Variants in ZNF578 observed in about 807,000 individuals in gnomAD.
The protein encoded by ZNF578 is zinc finger protein 578, also known as Putative chemokine-related protein B42.
Under a neutral mutation model 8.3 loss-of-function variants are expected in ZNF578, and 8 were observed. The ratio of observed to expected loss-of-function variants is 0.96; its 90% confidence interval spans 0.56 to 1.74. The LOEUF (loss-of-function observed/expected upper bound fraction) is 1.74. Ranked by LOEUF, ZNF578 falls within the 40% of genes most tolerant of loss-of-function variation. The probability of loss-of-function intolerance (pLI) is 0.00; values close to 1 mark genes in which losing one functional copy is unlikely to be tolerated. For missense variants in ZNF578, 726 were observed against 707.5 expected, an observed-to-expected ratio of 1.03 and a Z score of -0.30; for synonymous variants, 206 against 232.2, an observed-to-expected ratio of 0.89 and a Z score of 1.03.
Position 52,514,462 on chromosome 19 carries a change from G to A in ZNF578, c.*2308G>A, listed in dbSNP as rs988620928. Among the ~76,000 whole-genome samples the A allele has an allele frequency of 4.6e-5, 7 of 152,208 alleles. No individual in the cohort carries two copies. Among genetic ancestry groups the A allele is most frequent in the African/African-American group, 9.6e-5 (4 of 41,460 alleles). ...GTTGCAGTGTGTACTTGGTAAAGAT[G>A]TCAGTGACCTTTTAAATAAACATCA... On this transcript the variant is annotated 3_prime_UTR_variant, in exon 6 of 6. Coordinates refer to ENST00000421239, the MANE Select transcript of ZNF578 (RefSeq NM_001099694.2).
rs779932364 is a variant in ZNF578 at position 52,511,196 on chromosome 19, G to A, written c.815G>A (p.Arg272Gln). ...TGTGGCAAAGTCTTTAATGAGAAGC[G>A]ATACCTTGCACGCCATCGTAGATGT... ...DICGKVFNEK[R>Q]YLARHRRCHT... is the part of the protein sequence containing the mutation. The change falls in exon 6 of 6, where the codon CGA becomes CAA. Residue 272 changes from arginine (R) to glutamine (Q), a missense_variant. Arg to Gln is a conservative substitution (Grantham distance 43). Coordinates refer to ENST00000421239, the MANE Select transcript of ZNF578 (RefSeq NM_001099694.2). 8.1e-6 allele frequency: 13 copies of A among 1,614,068 alleles called. No individual in the cohort carries two copies. The highest frequency in any genetic ancestry group is 1.1e-5 in the South Asian group (1 of 91,090).
rs572642470 is a variant in ZNF578, at chr19:52,491,103, T to C, written c.-121-221T>C. ...ACATGTTTGTGCCCTGTCAGAGTTTTGTCATGACATTGGATACAGGCTTCC... is the reference window on the plus strand; with the variant it reads ...ACATGTTTGTGCCCTGTCAGAGTTTCGTCATGACATTGGATACAGGCTTCC... On this transcript the variant is annotated intron_variant, in intron 2 of 5. Transcript: ENST00000421239. Among the ~76,000 whole-genome samples the C allele has an allele frequency of 2.0e-5, 3 of 152,340 alleles. No homozygotes were observed. The East Asian group carries it at 5.8e-4, about 29-fold the overall frequency.
intron 3 of ZNF578, among the ~76,000 whole-genome samples, chr19:52,500,665 G>A (rs900131180): frequency 8.6e-5 from 13 of 151,996 alleles, no homozygotes; most frequent in African/African-American, 3.1e-4. Context: ...TTACAGTCCT[G>A]AGCCACTATG....
At position 52,511,844 on chromosome 19, in the gene ZNF578, G is replaced by A. The variant is rs2059449170; in HGVS notation, c.1463G>A (p.Cys488Tyr). 1 of 1,613,916 alleles carries A rather than the reference G, an allele frequency of 6.2e-7. No homozygotes were observed. Among genetic ancestry groups the A allele is most frequent in the East Asian group, 2.2e-5 (1 of 44,850 alleles). The change falls in exon 6 of 6, where the codon TGT (cysteine) becomes TAT (tyrosine). Residue 488 changes from cysteine to tyrosine, a missense_variant. By Grantham distance (194) the Cys-to-Tyr change is radical (BLOSUM62 -2). Transcript: ENST00000421239. ...GAGAAACCTTACAAGTGTAATGAGT[G>A]TCACAAGACCTTCAGTCACAGGTCA... Reference protein sequence around the residue: ...TGEKPYKCNECHKTFSHRSSL... With the variant: ...TGEKPYKCNEYHKTFSHRSSL...
chr19:52,471,748 A>G (rs1451707579), intron 2 of ZNF578, among the ~76,000 whole-genome samples: 1 of 152,192 alleles, frequency 6.6e-6, no homozygotes, highest in Non-Finnish European at 1.5e-5. Context: ...CATCATTATC[A>G]ATATCCAAAC....
Position 52,511,363 on chromosome 19 carries a change from T to A in ZNF578, c.982T>A (p.Ser328Thr). ...ATGTGGAAAGTCCTTCAGTTACAAG[T>A]CATCCCTTACATGCCATCATAGGTG... Reference protein sequence around the residue: ...NECGKSFSYKSSLTCHHRCHT... With the variant: ...NECGKSFSYKTSLTCHHRCHT... The change falls in exon 6 of 6, where the codon TCA becomes ACA. Residue 328 changes from serine (S) to threonine (T), a missense_variant. Transcript: ENST00000421239. 6.2e-7 allele frequency: 1 copy of A among 1,614,032 alleles called. No homozygotes were observed. Among genetic ancestry groups the A allele is most frequent in the Non-Finnish European group, 8.5e-7 (1 of 1,179,962 alleles).
At chr19:52,489,337 G>C (rs745344381) in intron 2 of ZNF578, among the ~76,000 whole-genome samples, 57 of 152,016 alleles carry the variant, frequency 3.7e-4, no homozygotes, top group Non-Finnish European at 6.8e-4. Context: ...CACTTGTAAC[G>C]CCAGCACTTT....
intron 2 of ZNF578, among the ~76,000 whole-genome samples, chr19:52,467,833 A>G (rs1231003737): frequency 6.6e-6 from 1 of 152,248 alleles, no homozygotes; most frequent in Non-Finnish European, 1.5e-5. Context: ...TTATGTAGAA[A>G]GGCAAAAAAA....
chr19:52,469,136 C>G (rs563548752), intron 2 of ZNF578, among the ~76,000 whole-genome samples: 2 of 150,964 alleles, frequency 1.3e-5, no homozygotes, highest in Admixed American at 6.6e-5. Flanking sequence ...CTGACTAATA[C>G]AGACTTTGGT....
At chr19:52,500,059 A>C (rs560814049) in intron 3 of ZNF578, among the ~76,000 whole-genome samples, 10 of 152,108 alleles carry the variant, frequency 6.6e-5, no homozygotes, top group Non-Finnish European at 8.8e-5. Flanking sequence ...CTCAGCTGCA[A>C]GTGACAAGCA....
intron 2 of ZNF578, among the ~76,000 whole-genome samples, chr19:52,460,642 T>C (rs149143165): frequency 2.8e-3 from 419 of 152,352 alleles, no homozygotes; most frequent in Non-Finnish European, 4.6e-3. Flanking sequence ...AAACTTTAAG[T>C]TGGATGTAGA....
At chr19:52,494,089 G>T (rs2059377131) in intron 3 of ZNF578, among the ~76,000 whole-genome samples, 2 of 151,384 alleles carry the variant, frequency 1.3e-5, no homozygotes, top group South Asian at 4.2e-4. Flanking sequence ...AGAGGAGAGG[G>T]GTACAAAATG....
intron 4 of ZNF578, among the ~76,000 whole-genome samples, chr19:52,503,743 T>C (rs891410558): frequency 2.0e-5 from 3 of 152,054 alleles, no homozygotes; most frequent in African/African-American, 4.8e-5. Context: ...AGACTAAATA[T>C]CAGCTCGTAT....
chr19:52,474,710 A>AT, intron 2 of ZNF578: 1 of 229,596 alleles, frequency 4.4e-6, no homozygotes, highest in Admixed American at 5.1e-5. Context: ...ACTTTGCCAA[A>AT]TTTTTTTACA....
chr19:52,483,137 C>T (rs866264367), intron 2 of ZNF578, among the ~76,000 whole-genome samples: 5 of 151,990 alleles, frequency 3.3e-5, no homozygotes, highest in Non-Finnish European at 7.4e-5. Context: ...TAGTCCTGGC[C>T]GTGCGCGGTG....
chr19:52,486,422 CTCTT>C (rs1349061525), intron 2 of ZNF578, among the ~76,000 whole-genome samples: 1 of 152,164 alleles, frequency 6.6e-6, no homozygotes, highest in Non-Finnish European at 1.5e-5. Context: ...TATACTTTGT[CTCTT>C]TCTTTTGTCA....
chr19:52,480,228 C>G (rs2059321334), intron 2 of ZNF578, among the ~76,000 whole-genome samples: 1 of 152,050 alleles, frequency 6.6e-6, no homozygotes, highest in Non-Finnish European at 1.5e-5. Flanking sequence ...TAAAATGCTT[C>G]CTGTAAATAT....
chr19:52,498,966 G>A (rs958491587), intron 3 of ZNF578, among the ~76,000 whole-genome samples: 1 of 152,044 alleles, frequency 6.6e-6, no homozygotes, highest in African/African-American at 2.4e-5. Flanking sequence ...TTCAAGGGTG[G>A]GTCACCATTC....
intron 2 of ZNF578, among the ~76,000 whole-genome samples, chr19:52,483,396 CAA>C (rs1241508782): frequency 6.6e-6 from 1 of 152,220 alleles, no homozygotes; most frequent in African/African-American, 2.4e-5. Context: ...GCCTCGGCAA[CAA>C]GAGGGAAACT....
Sources: gnomAD v4.1 joint callset for allele counts (sites outside exome capture counted in the v4.1 genomes callset) on GRCh38, gnomAD v4.1.1 for gene constraint, MANE v1.5 for transcripts, NCBI Gene and HGNC (gene_info 2026-07-23, HGNC 2026-07-21) for gene names.